Variants in SAMD5 observed in about 807,000 individuals in gnomAD.
SAMD5 encodes the protein sterile alpha motif domain-containing protein 5.
A neutral mutation model predicts 11.3 loss-of-function variants in SAMD5; 13 were observed. The ratio of observed to expected loss-of-function variants is 1.15; its 90% CI spans 0.75 to 1.83. SAMD5 has a LOEUF of 1.83. Among genes scored for constraint, SAMD5 ranks in the 40% most tolerant of loss-of-function variants. The pLI is 0.00. For missense variants in SAMD5, 255 were observed against 239.1 expected (o/e 1.07, Z -0.44); for synonymous variants, 129 against 111.3 (o/e 1.16, Z -1.00).
the SAMD5 span, among the ~76,000 whole-genome samples, chr6:147,862,138 G>A: frequency 0.016 from 2,506 of 152,098 alleles, 28 homozygotes; most frequent in Non-Finnish European, 0.025. Flanking sequence ...TAAGAGATGG[G>A]ATTTGTTTCT....
chr6:147,514,163 C>T (rs933469131), intron 1 of SAMD5, among the ~76,000 whole-genome samples: 5 of 151,878 alleles, frequency 3.3e-5, no homozygotes, highest in African/African-American at 9.7e-5. Flanking sequence ...GGAGGAGGTG[C>T]GAGGGAATTG....
chr6:147,917,099 AT>A, the SAMD5 span, among the ~76,000 whole-genome samples: 1 of 85,054 alleles, frequency 1.2e-5, no homozygotes, highest in Non-Finnish European at 2.1e-5. Context: ...GTCAAATGGT[AT>A]TTCTAGTTCT....
intron 1 of SAMD5, among the ~76,000 whole-genome samples, chr6:147,718,984 C>G (rs1791506462): frequency 6.6e-6 from 1 of 152,222 alleles, no homozygotes; most frequent in African/African-American, 2.4e-5. Context: ...AGCCACCGCG[C>G]CCGGCCGAAG....
intron 1 of SAMD5, among the ~76,000 whole-genome samples, chr6:147,560,441 G>C (rs1261483964): frequency 6.6e-6 from 1 of 152,124 alleles, no homozygotes; most frequent in East Asian, 1.9e-4. Flanking sequence ...CTCCCAAATT[G>C]TATGCAAATT....
intron 1 of SAMD5, among the ~76,000 whole-genome samples, chr6:147,716,079 C>A (rs1791462662): frequency 6.6e-6 from 1 of 152,158 alleles, no homozygotes; most frequent in Admixed American, 6.5e-5. Context: ...GACCTGCCCC[C>A]TTCCACTCCC....
intron 1 of SAMD5, among the ~76,000 whole-genome samples, chr6:147,656,672 C>A (rs1342630681): frequency 6.6e-6 from 1 of 152,196 alleles, no homozygotes; most frequent in Non-Finnish European, 1.5e-5. Context: ...AGTACTATTT[C>A]TAATTCATTA....
At chr6:147,786,861 G>A in the SAMD5 span, among the ~76,000 whole-genome samples, 87 of 152,294 alleles carry the variant, frequency 5.7e-4, 1 homozygote, top group African/African-American at 1.9e-3. Context: ...TGTTTGACTT[G>A]ATAGTTTAAC....
At chr6:147,732,583 A>G (rs1791734506) in intron 1 of SAMD5, among the ~76,000 whole-genome samples, 1 of 152,328 alleles carries the variant, frequency 6.6e-6, no homozygotes, top group East Asian at 1.9e-4. Context: ...AGGCAGGAAC[A>G]TTGCATGTAA....
At chr6:147,736,168 C>T (rs900539463) in intron 1 of SAMD5, among the ~76,000 whole-genome samples, 2 of 152,120 alleles carry the variant, frequency 1.3e-5, no homozygotes, top group South Asian at 4.1e-4. Flanking sequence ...TCTGTTTCCT[C>T]ATCAGTAAAG....
At chr6:147,891,395 A>AG in the SAMD5 span, among the ~76,000 whole-genome samples, 13 of 152,214 alleles carry the variant, frequency 8.5e-5, no homozygotes, top group Admixed American at 2.0e-4. Context: ...ATGGCAGACT[A>AG]GTGGATATCA....
the SAMD5 span, among the ~76,000 whole-genome samples, chr6:147,932,853 A>C: frequency 6.6e-6 from 1 of 152,268 alleles, no homozygotes; most frequent in South Asian, 2.1e-4. Flanking sequence ...CCATTCGATG[A>C]CTGATGTGCT....
the SAMD5 span, among the ~76,000 whole-genome samples, chr6:147,802,403 T>C: frequency 6.6e-6 from 1 of 152,144 alleles, no homozygotes; most frequent in Non-Finnish European, 1.5e-5. Context: ...AAAAGACGAA[T>C]AGCACCAAAT....
chr6:147,576,048 C>A (rs1789212519), intron 1 of SAMD5, among the ~76,000 whole-genome samples: 2 of 152,022 alleles, frequency 1.3e-5, no homozygotes, highest in African/African-American at 4.8e-5. Flanking sequence ...TGGTTCAGGG[C>A]AAGAAATACT....
the SAMD5 span, among the ~76,000 whole-genome samples, chr6:147,938,887 C>A: frequency 6.6e-6 from 1 of 151,900 alleles, no homozygotes; most frequent in Non-Finnish European, 1.5e-5. Flanking sequence ...TGGACTCCGA[C>A]TGGTTGTCTT....
intron 1 of SAMD5, among the ~76,000 whole-genome samples, chr6:147,618,768 C>T (rs1789913377): frequency 6.6e-6 from 1 of 152,214 alleles, no homozygotes; most frequent in South Asian, 2.1e-4. Flanking sequence ...TTAAAGAAAC[C>T]ACCCAAGTTT....
At chr6:147,799,126 G>A in the SAMD5 span, among the ~76,000 whole-genome samples, 1 of 151,430 alleles carries the variant, frequency 6.6e-6, no homozygotes, top group African/African-American at 2.4e-5. Flanking sequence ...GTTAGCTGGT[G>A]ATTTTGCTCG....
the SAMD5 span, among the ~76,000 whole-genome samples, chr6:147,816,293 A>AT: frequency 5.5e-5 from 5 of 91,628 alleles, no homozygotes; most frequent in African/African-American, 2.8e-4. Flanking sequence ...AAAAAAAAAA[A>AT]AAAAAAAAAT....
At chr6:147,929,794 T>A in the SAMD5 span, among the ~76,000 whole-genome samples, 1 of 152,186 alleles carries the variant, frequency 6.6e-6, no homozygotes, top group Non-Finnish European at 1.5e-5. Flanking sequence ...AGTACAGCTC[T>A]CCTTTGATAC....
the SAMD5 span, among the ~76,000 whole-genome samples, chr6:147,848,626 A>G: frequency 1.3e-5 from 2 of 152,172 alleles, no homozygotes; most frequent in Admixed American, 1.3e-4. Flanking sequence ...TAGAACTCCA[A>G]TTCTTAACCA....
Sources: allele counts gnomAD v4.1 joint callset (sites outside exome capture counted in the v4.1 genomes callset), GRCh38; gene constraint gnomAD v4.1.1; transcripts MANE v1.5; gene names NCBI Gene and HGNC (gene_info 2026-07-23, HGNC 2026-07-21).